The following FSHR variants were observed in gnomAD, a reference collection of about 807,000 sequenced individuals.
FSHR encodes the protein follicle stimulating hormone receptor.
FSHR carries 46 observed loss-of-function variants against 52.1 expected under a neutral mutation model. The ratio of observed to expected loss-of-function variants is 0.88; its 90% CI spans 0.70 to 1.13. The LOEUF is 1.13. FSHR is among the 50% of genes most tolerant of loss of function. The pLI, the probability that FSHR is intolerant of heterozygous loss-of-function variation, is 0.00. For synonymous variants in FSHR, 399 were observed against 309.6 expected, an observed-to-expected ratio of 1.29 and a Z score of -3.03; for missense variants, 964 against 834.6, an observed-to-expected ratio of 1.16 and a Z score of -1.91.
chr2:49,094,996 G>T (rs1204420672), intron 1 of FSHR, among the ~76,000 whole-genome samples: 1 of 152,022 alleles, frequency 6.6e-6, no homozygotes, highest in African/African-American at 2.4e-5. Flanking sequence ...AGGATTATGT[G>T]AATACTATGT....
intron 1 of FSHR, among the ~76,000 whole-genome samples, chr2:49,130,818 C>T (rs974515412): frequency 1.1e-4 from 16 of 152,142 alleles, no homozygotes; most frequent in African/African-American, 3.1e-4. Context: ...GGACATTCCT[C>T]GAGGCTGGCC....
At chr2:49,004,775 G>A (rs544932791) in intron 4 of FSHR, among the ~76,000 whole-genome samples, 1 of 152,258 alleles carries the variant, frequency 6.6e-6, no homozygotes, top group South Asian at 2.1e-4. Flanking sequence ...TTTTCACCCA[G>A]TCCTCTCTAG....
chr2:49,127,758 TTC>T lies in FSHR; in HGVS notation c.152+26506_152+26507del, dbSNP rs1421238740. ...CATGATTTCTTCTTCTTCTTTCTTC[TTC>T]TTCTTCTTCTTCTTCTTCTTCTTCT... On this transcript the variant is annotated intron_variant, in intron 1 of 9. Coordinates refer to ENST00000406846, the MANE Select transcript of FSHR (RefSeq NM_000145.4). 1.8e-4 allele frequency among the ~76,000 whole-genome samples: 5 copies of T among 28,530 alleles called. 1 individual carries two copies. In the East Asian group the frequency reaches 5.5e-3, roughly 31 times the overall value. The allele number at this position is 28,530 out of a possible 152,430, so 18.7% of individuals were successfully genotyped here.
intron 2 of FSHR, among the ~76,000 whole-genome samples, chr2:49,035,731 A>G (rs1281806547): frequency 6.6e-6 from 1 of 152,174 alleles, no homozygotes; most frequent in Non-Finnish European, 1.5e-5. Context: ...ACTGGTCAAA[A>G]CCACTCATGG....
At chr2:49,013,511 TATATAAATATATATAA>T (rs1409837687) in intron 4 of FSHR, among the ~76,000 whole-genome samples, 86 of 74,488 alleles carry the variant, frequency 1.2e-3, no homozygotes, top group African/African-American at 2.4e-3. Flanking sequence ...AATATATATA[TATATAAATATATATAA>T]AAATATATAT....
chr2:49,041,859 T>G (rs1668489781), intron 2 of FSHR, among the ~76,000 whole-genome samples: 1 of 152,104 alleles, frequency 6.6e-6, no homozygotes, highest in Non-Finnish European at 1.5e-5. Context: ...TAAAGTACCT[T>G]AACCAGGCTG....
At chr2:49,054,442 A>G (rs1668980416) in intron 2 of FSHR, among the ~76,000 whole-genome samples, 1 of 152,138 alleles carries the variant, frequency 6.6e-6, no homozygotes, top group Non-Finnish European at 1.5e-5. Flanking sequence ...AACCATGTCC[A>G]AGGCCTGCAA....
intron 2 of FSHR, among the ~76,000 whole-genome samples, chr2:49,033,206 C>A (rs185074901): frequency 9.1e-4 from 138 of 152,212 alleles, no homozygotes; most frequent in African/African-American, 3.3e-3. Flanking sequence ...GCCCAAAGTA[C>A]TTAAAGAGAG....
intron 9 of FSHR, among the ~76,000 whole-genome samples, chr2:48,966,397 A>T (rs1674478845): frequency 6.6e-6 from 1 of 152,234 alleles, no homozygotes; most frequent in South Asian, 2.1e-4. Flanking sequence ...ATAAAATGAG[A>T]GCAAAGTAAT....
intron 6 of FSHR, among the ~76,000 whole-genome samples, chr2:48,985,730 G>T (rs1285936743): frequency 2.8e-5 from 3 of 107,040 alleles, no homozygotes; most frequent in African/African-American, 7.7e-5. Context: ...TTTTTGAGAC[G>T]GAGTCTCGCT....
intron 4 of FSHR, among the ~76,000 whole-genome samples, chr2:49,009,823 C>G (rs1667205834): frequency 1.5e-5 from 2 of 129,154 alleles, no homozygotes; most frequent in African/African-American, 5.2e-5. Flanking sequence ...ATTTGGCTCT[C>G]TGTTTGTCTG....
chr2:49,029,643 T>C (rs1487296660), intron 2 of FSHR, among the ~76,000 whole-genome samples: 4 of 152,220 alleles, frequency 2.6e-5, no homozygotes, highest in Non-Finnish European at 4.4e-5. Context: ...ACATGAATAA[T>C]GCATGTCATG....
At chr2:49,118,724 A>G (rs942664436) in intron 1 of FSHR, among the ~76,000 whole-genome samples, 5 of 152,258 alleles carry the variant, frequency 3.3e-5, no homozygotes, top group East Asian at 1.9e-4. Context: ...AACATACCCA[A>G]TCACACACCC....
chr2:49,096,788 T>C (rs1453432464), intron 1 of FSHR, among the ~76,000 whole-genome samples: 1 of 152,152 alleles, frequency 6.6e-6, no homozygotes, highest in East Asian at 1.9e-4. Context: ...GTGAATTTCT[T>C]ATGAATGGTT....
At chr2:48,978,375 G>C (rs1675087032) in intron 8 of FSHR, among the ~76,000 whole-genome samples, 1 of 152,174 alleles carries the variant, frequency 6.6e-6, no homozygotes, top group Admixed American at 6.5e-5. Context: ...CATGATCCCA[G>C]GCTGGATAAA....
chr2:49,016,065 GTT>G (rs1667481310), intron 4 of FSHR, among the ~76,000 whole-genome samples: 1 of 152,124 alleles, frequency 6.6e-6, no homozygotes, highest in Non-Finnish European at 1.5e-5. Context: ...TATTACCTCA[GTT>G]CTCATTCAGA....
intron 1 of FSHR, among the ~76,000 whole-genome samples, chr2:49,122,990 C>T (rs1238916589): frequency 2.0e-5 from 3 of 152,148 alleles, no homozygotes; most frequent in African/African-American, 7.2e-5. Flanking sequence ...TTCCTCTTCC[C>T]TTGCTTTCCT....
chr2:49,136,748 A>G (rs1280765276), intron 1 of FSHR, among the ~76,000 whole-genome samples: 1 of 152,196 alleles, frequency 6.6e-6, no homozygotes, highest in Non-Finnish European at 1.5e-5. Flanking sequence ...TTACATCAAT[A>G]TAAATAAAAA....
At chr2:49,016,695 G>T (rs1334267274) in intron 4 of FSHR, among the ~76,000 whole-genome samples, 3 of 152,168 alleles carry the variant, frequency 2.0e-5, no homozygotes, top group African/African-American at 7.2e-5. Flanking sequence ...ATGACAAGTA[G>T]TTGTTGCTTT....
Sources: gnomAD v4.1 joint callset for allele counts (sites outside exome capture counted in the v4.1 genomes callset) on GRCh38, gnomAD v4.1.1 for gene constraint, MANE v1.5 for transcripts, NCBI Gene and HGNC (gene_info 2026-07-23, HGNC 2026-07-21) for gene names.